Variants in ITPKA observed in about 807,000 individuals in gnomAD.
ITPKA encodes IP3 3-kinase A.
In ITPKA, 16 loss-of-function variants were observed where a neutral mutation model predicts 40.7. The observed-to-expected ratio is 0.39, with a 90% confidence interval of 0.27 to 0.60. The LOEUF (loss-of-function observed/expected upper bound fraction) is 0.60. Ranked by LOEUF, ITPKA falls within the 20% of genes least tolerant of loss-of-function variation. The pLI is 0.50. For missense variants in ITPKA, 540 were observed against 649.3 expected, an observed-to-expected ratio of 0.83 and a Z score of 1.83; for synonymous variants, 313 against 289.9, an observed-to-expected ratio of 1.08 and a Z score of -0.81.
Position 41,501,818 on chromosome 15 carries a change from G to A in ITPKA, c.770G>A (p.Gly257Glu). The A allele has an allele frequency of 1.2e-6, 2 of 1,613,458 alleles. No homozygotes were observed. Among genetic ancestry groups the A allele is most frequent in the Admixed American group, 3.3e-5 (2 of 60,018 alleles). The change falls in exon 3 of 7, where the codon GGA (glycine) becomes GAA (glutamate). Residue 257 changes from glycine to glutamate, a missense_variant. Physicochemically the swap from Gly to Glu is moderately conservative, Grantham distance 98 (BLOSUM62 -2). Transcript: ENST00000260386. ...QLQDLLDGFD[G>E]PCVLDCKMGV... ...CAGGACCTGCTCGATGGCTTCGACG[G>A]ACCTTGTGTGCTCGACTGCAAAATG...
Position 41,503,344 on chromosome 15 carries a change from C to T in ITPKA, c.*178C>T, listed in dbSNP as rs1287618195. The T allele has an allele frequency of 3.3e-6, 2 of 609,904 alleles. No individual in the cohort carries two copies. The highest frequency in any genetic ancestry group is 1.9e-5 in the African/African-American group (1 of 53,984). 37.8% of individuals were successfully genotyped at this position (609,904 alleles called of 1,614,324 possible). On this transcript the variant is annotated 3_prime_UTR_variant, in exon 7 of 7. Coordinates refer to ENST00000260386, the MANE Select transcript of ITPKA (RefSeq NM_002220.3). ...CGCCGATGCCAGGGGTTTTGCCCAC[C>T]CGGGCCCCAGCGTTCCCAGAGCCAA...
rs2051137537 is a variant in ITPKA, at chr15:41,503,317, A to C, written c.*151A>C. 1.6e-6 allele frequency: 1 copy of C among 642,238 alleles called. No homozygotes were observed. The highest frequency in any genetic ancestry group is 1.8e-5 in the African/African-American group (1 of 54,558). The allele number at this position is 642,238 out of a possible 1,614,324, so 39.8% of individuals were successfully genotyped here. ...CAGGTGCCAGCCACTAAGGGGGGGC[A>C]CCGCCGATGCCAGGGGTTTTGCCCA... On this transcript the variant is annotated 3_prime_UTR_variant, in exon 7 of 7. Transcript: ENST00000260386.
At chr15:41,502,536 G>T in intron 5 of ITPKA, 33 bp downstream of exon 5, 1 of 1,321,722 alleles carries the variant, frequency 7.6e-7, no homozygotes, top group South Asian at 1.2e-5. Flanking sequence ...TGAGGTGTTG[G>T]GGAGCCTGAA....
At position 41,503,051 on chromosome 15, in the gene ITPKA, C is replaced by G. The variant is rs375904304; in HGVS notation, c.1271C>G (p.Pro424Arg). The change falls in exon 7 of 7, where the codon CCC (proline) becomes CGC (arginine). Residue 424 changes from proline (P) to arginine (R), a missense_variant. By Grantham distance (103) the Pro-to-Arg change is moderately radical. Coordinates refer to ENST00000260386, the MANE Select transcript of ITPKA (RefSeq NM_002220.3). Reference protein sequence around the residue: ...LIDFGKTTPLPDGQILDHRRP... With the variant: ...LIDFGKTTPLRDGQILDHRRP... ...GACTTCGGCAAGACCACGCCCCTCC[C>G]CGATGGCCAGATCCTGGACCACCGG... The G allele has an allele frequency of 2.0e-5, 32 of 1,610,432 alleles. No homozygotes were observed. Among genetic ancestry groups the G allele is most frequent in the Non-Finnish European group, 2.6e-5 (31 of 1,177,756 alleles).
At chr15:41,502,324 G>A in intron 4 of ITPKA, 78 bp from the exon 5 acceptor site, 2 of 1,382,930 alleles carry the variant, frequency 1.4e-6, no homozygotes, top group Non-Finnish European at 1.0e-6. Flanking sequence ...CCCTGCAACT[G>A]GGAGGTACCG....
rs1458860293 is a variant in ITPKA, at chr15:41,493,950, C to T, written c.23C>T (p.Thr8Met). The T allele has an allele frequency of 1.9e-6, 2 of 1,034,326 alleles. No homozygotes were observed. The highest frequency in any genetic ancestry group is 2.3e-6 in the Non-Finnish European group (2 of 862,418). 64.1% of individuals were successfully genotyped at this position (1,034,326 alleles called of 1,614,324 possible). MTLPGGP[T>M]GMARPGGARP... ...GAAATGACCCTGCCCGGGGGCCCAA[C>T]GGGCATGGCGCGGCCGGGGGGCGCG... is the stretch of plus-strand genomic sequence containing the variant. The change falls in exon 1 of 7, where the codon ACG (threonine) becomes ATG (methionine). Residue 8 changes from threonine to methionine, a missense_variant. Thr to Met is a moderately conservative substitution (Grantham distance 81). Transcript: ENST00000260386.
Position 41,494,879 on chromosome 15 carries a change from C to T in ITPKA, c.489+463C>T, listed in dbSNP as rs923845728. Among the ~76,000 whole-genome samples the T allele has an allele frequency of 1.3e-5, 2 of 152,194 alleles. No individual in the cohort carries two copies. Among genetic ancestry groups the T allele is most frequent in the African/African-American group, 2.4e-5 (1 of 41,450 alleles). On this transcript the variant is annotated intron_variant, in intron 1 of 6. Transcript: ENST00000260386. This position sits in a 1 kb window ranked among gnomAD's most constrained non-coding sequence, Gnocchi z 7.8. ...TTCCCTCTCCTGAGTGGGAGTGGAG[C>T]GGCGCTCCAGGCTCTGCTCGGGAGC...
chr15:41,497,810 C>T (rs574715399), intron 1 of ITPKA, among the ~76,000 whole-genome samples: 1 of 151,936 alleles, frequency 6.6e-6, no homozygotes, highest in African/African-American at 2.4e-5. Context: ...ACTTGAACCC[C>T]GGAGTTCGAG....
rs1167948639 is a variant in ITPKA at position 41,503,412 on chromosome 15, C to T, written c.*246C>T. On this transcript the variant is annotated 3_prime_UTR_variant, in exon 7 of 7. Coordinates refer to ENST00000260386, the MANE Select transcript of ITPKA (RefSeq NM_002220.3). Reference sequence around the variant, plus strand: ...AAGGGGAGGGGGCAAAGGGCTTCTTCCTCAGGCCAGCTCTTCTGAGGAGGC... The same window carrying T: ...AAGGGGAGGGGGCAAAGGGCTTCTTTCTCAGGCCAGCTCTTCTGAGGAGGC... 1.7e-5 allele frequency: 10 copies of T among 590,764 alleles called. No homozygotes were observed. The highest frequency in any genetic ancestry group is 3.1e-5 in the Non-Finnish European group (10 of 326,462). 36.6% of individuals were successfully genotyped at this position (590,764 alleles called of 1,614,324 possible). A position where few individuals can be genotyped will look rare whatever the true frequency, so the allele number is the denominator to read the frequency against.
Position 41,493,874 on chromosome 15 carries a change from A to G in ITPKA, c.-54A>G, listed in dbSNP as rs2051050465. 2.0e-6 allele frequency: 2 copies of G among 992,284 alleles called. No individual in the cohort carries two copies. Among genetic ancestry groups the G allele is most frequent in the Non-Finnish European group, 2.4e-6 (2 of 835,794 alleles). The allele number at this position is 992,284 out of a possible 1,614,324, so 61.5% of individuals were successfully genotyped here. On this transcript the variant is annotated 5_prime_UTR_variant, in exon 1 of 7. Transcript: ENST00000260386. ...CCAGCCGGGGGCGCCGAGCCGCTCCAGTCCCCGGCGCGCCGCGGGCTGGTG... is the reference window on the plus strand; with the variant it reads ...CCAGCCGGGGGCGCCGAGCCGCTCCGGTCCCCGGCGCGCCGCGGGCTGGTG...
Position 41,493,890 on chromosome 15 carries a change from C to G in ITPKA, c.-38C>G, listed in dbSNP as rs1042251029. The G allele has an allele frequency of 3.0e-6, 3 of 998,264 alleles. No individual in the cohort carries two copies. The African/African-American group carries it at 5.3e-5, about 18-fold the overall frequency. 61.8% of individuals were successfully genotyped at this position (998,264 alleles called of 1,614,324 possible). On this transcript the variant is annotated 5_prime_UTR_variant, in exon 1 of 7. Transcript: ENST00000260386. Reference sequence around the variant, plus strand: ...AGCCGCTCCAGTCCCCGGCGCGCCGCGGGCTGGTGGGCTCAGCGGCGGCGC... The same window carrying G: ...AGCCGCTCCAGTCCCCGGCGCGCCGGGGGCTGGTGGGCTCAGCGGCGGCGC...
rs1466234415 is a variant in ITPKA, at chr15:41,501,862, C to G, written c.803+11C>G. ...CAAAATGGGCGTCAGGTATGCGTGC[C>G]CTGCCAGGTCGGTTGGGGGGATCAA... On this transcript the variant is annotated intron_variant, in intron 3 of 6. Transcript: ENST00000260386. 1 of 1,611,192 alleles carries G rather than the reference C, an allele frequency of 6.2e-7. No homozygotes were observed. The highest frequency in any genetic ancestry group is 8.5e-7 in the Non-Finnish European group (1 of 1,178,660).
Position 41,501,993 on chromosome 15 carries a change from A to G in ITPKA, c.804-4A>G, listed in dbSNP as rs375919937. 1 of 1,612,000 alleles carries G rather than the reference A, an allele frequency of 6.2e-7. No individual in the cohort carries two copies. The highest frequency in any genetic ancestry group is 8.5e-7 in the Non-Finnish European group (1 of 1,179,350). On this transcript the variant is annotated splice_region_variant and splice_polypyrimidine_tract_variant and intron_variant, in intron 3 of 6. Coordinates refer to ENST00000260386, the MANE Select transcript of ITPKA (RefSeq NM_002220.3). ...TGCCCTGGCCGCTGCCTGCGCCCCC[A>G]CAGGACTTACCTAGAGGAGGAGCTG... is the stretch of plus-strand genomic sequence containing the variant.
chr15:41,502,919 G>T (rs1026200452), intron 6 of ITPKA, 44 bp from the exon 7 acceptor site: 1 of 1,601,426 alleles, frequency 6.2e-7, no homozygotes, highest in African/African-American at 1.3e-5. Flanking sequence ...CCCGGCAAGG[G>T]CGTCTCTGGG....
Position 41,502,797 on chromosome 15 carries a change from C to A in ITPKA, c.1120C>A (p.Leu374Met). ...ACCCCACCCTCTGCAGAGGCGGTAT[C>A]TGAACCGCCTGCAGCAGATCCGGGA... ...QGDEEVLRRY[L>M]NRLQQIRDTL... The change falls in exon 6 of 7, where the codon CTG becomes ATG. Residue 374 changes from leucine (L) to methionine (M), a missense_variant. Coordinates refer to ENST00000260386, the MANE Select transcript of ITPKA (RefSeq NM_002220.3). The A allele has an allele frequency of 6.2e-7, 1 of 1,609,884 alleles. No homozygotes were observed. Among genetic ancestry groups the A allele is most frequent in the Non-Finnish European group, 8.5e-7 (1 of 1,177,816 alleles).
chr15:41,502,989 G>T lies in ITPKA; in HGVS notation c.1209G>T (p.Val403=). 2.5e-6 allele frequency: 4 copies of T among 1,606,344 alleles called. No individual in the cohort carries two copies. The highest frequency in any genetic ancestry group is 3.4e-6 in the Non-Finnish European group (4 of 1,176,144). ...HEVIGSSLLF[V]HDHCHRAGVW... is the part of the protein sequence containing the mutation. Reference sequence around the variant, plus strand: ...TGATCGGCAGCTCGCTCCTCTTTGTGCACGATCACTGCCATCGCGCCGGCG... The same window carrying T: ...TGATCGGCAGCTCGCTCCTCTTTGTTCACGATCACTGCCATCGCGCCGGCG... Residue 403 remains valine, a synonymous_variant, in exon 7 of 7, where the codon GTG becomes GTT. Transcript: ENST00000260386.
At position 41,501,756 on chromosome 15, in the gene ITPKA, C is replaced by T. The variant is rs762327290; in HGVS notation, c.708C>T (p.Gly236=). The change falls in exon 3 of 7, where the codon GGC becomes GGT. Residue 236 remains glycine, a synonymous_variant. Coordinates refer to ENST00000260386, the MANE Select transcript of ITPKA (RefSeq NM_002220.3). ...ALRGCVPAFH[G]VVERDGESYL... ...GCGGCTGCGTGCCTGCCTTCCACGG[C>T]GTGGTGGAGCGCGACGGCGAAAGCT... 4.3e-6 allele frequency: 7 copies of T among 1,612,760 alleles called. No individual in the cohort carries two copies. Among genetic ancestry groups the T allele is most frequent in the Middle Eastern group, 1.7e-4 (1 of 6,012 alleles).
intron 1 of ITPKA, among the ~76,000 whole-genome samples, chr15:41,500,997 A>G (rs1356696496): frequency 7.2e-6 from 1 of 138,204 alleles, no homozygotes; most frequent in Non-Finnish European, 1.5e-5. Context: ...TGACAGAGCA[A>G]GACTCCATCT....
In ITPKA at chr15:41,502,157, A is replaced by T; in HGVS notation, c.964A>T (p.Ile322Phe). ...GCGCTACATGCAGTGGCGGGAAGGC[A>T]TCAGCTCCAGCACCACCCTCGGCTT... ...KPRYMQWREG[I>F]SSSTTLGFRI... Residue 322 changes from isoleucine to phenylalanine, a missense_variant, in exon 4 of 7, where the codon ATC (isoleucine) becomes TTC (phenylalanine). Transcript: ENST00000260386. 6.2e-7 allele frequency: 1 copy of T among 1,600,428 alleles called. No individual in the cohort carries two copies. The highest frequency in any genetic ancestry group is 8.5e-7 in the Non-Finnish European group (1 of 1,174,140).
Sources: gnomAD v4.1 joint callset for allele counts (sites outside exome capture counted in the v4.1 genomes callset) on GRCh38, gnomAD v4.1.1 for gene constraint, Gnocchi (gnomAD v3.1) non-coding constraint, MANE v1.5 for transcripts, NCBI Gene and HGNC (gene_info 2026-07-23, HGNC 2026-07-21) for gene names.